The following MUSK variants were observed in gnomAD, a reference collection of about 807,000 sequenced individuals.
MUSK encodes the protein muscle associated receptor tyrosine kinase, also known as muscle, skeletal receptor tyrosine-protein kinase.
In MUSK, 55 loss-of-function variants were observed where a neutral mutation model predicts 88.7. That is an observed-to-expected ratio of 0.62 (90% CI 0.50 to 0.78). MUSK has a LOEUF of 0.78. Ranked by LOEUF, MUSK falls within the 30% of genes least tolerant of loss-of-function variation. MUSK has a pLI of 0.00. For missense variants in MUSK, 1,015 were observed against 1,074.3 expected (o/e 0.94, Z 0.77); for synonymous variants, 387 against 391.9 (o/e 0.99, Z 0.15).
intron 3 of MUSK, among the ~76,000 whole-genome samples, chr9:110,690,802 A>T (rs1166569634): frequency 9.2e-6 from 1 of 109,042 alleles, no homozygotes; most frequent in Non-Finnish European, 1.8e-5. Context: ...ATAAATATAT[A>T]TATTTAAATA....
chr9:110,717,956 C>T (rs980711489), intron 5 of MUSK, among the ~76,000 whole-genome samples: 12 of 152,028 alleles, frequency 7.9e-5, no homozygotes, highest in Non-Finnish European at 1.3e-4. Context: ...AAACAATAAA[C>T]GATTATCACT....
At chr9:110,711,451 T>A (rs1251532000) in intron 5 of MUSK, among the ~76,000 whole-genome samples, 1 of 152,112 alleles carries the variant, frequency 6.6e-6, no homozygotes, top group Non-Finnish European at 1.5e-5. Context: ...GCCTTGCAGG[T>A]TGTAAGGGAG....
chr9:110,704,402 AG>A (rs1345842483), intron 5 of MUSK, among the ~76,000 whole-genome samples: 4 of 152,214 alleles, frequency 2.6e-5, no homozygotes, highest in African/African-American at 4.8e-5. Flanking sequence ...TCTCTAAAAT[AG>A]AGATAAAAGC....
Position 110,805,545 on chromosome 9 carries a change from A to G in MUSK, c.*4557A>G, listed in dbSNP as rs2078150328. On this transcript the variant is annotated 3_prime_UTR_variant, in exon 15 of 15. Transcript: ENST00000374448. ...TTGTTGCTTTGTAAGAGCACTTTAT[A>G]TATTAAGGAGTTAAATTTTGTGATA... 6.6e-6 allele frequency among the ~76,000 whole-genome samples: 1 copy of G among 151,940 alleles called. No individual in the cohort carries two copies. Among genetic ancestry groups the G allele is most frequent in the South Asian group, 2.1e-4 (1 of 4,826 alleles).
Position 110,784,266 on chromosome 9 carries a change from G to A in MUSK, c.1385-549G>A, listed in dbSNP as rs183506389. 2.5e-4 allele frequency among the ~76,000 whole-genome samples: 38 copies of A among 152,124 alleles called. 1 individual carries two copies. The East Asian group carries it at 7.3e-3, about 29-fold the overall frequency. On this transcript the variant is annotated intron_variant, in intron 11 of 14. Transcript: ENST00000374448. The stretch of plus-strand genomic sequence containing the variant: ...TAGTGGTATGAGTATGGCATCTTTT[G>A]GTTTCCAACAGTAATGCTGATTTTA...
At chr9:110,759,273 G>A (rs76656004) in intron 7 of MUSK, among the ~76,000 whole-genome samples, 1,879 of 152,300 alleles carry the variant, frequency 0.012, 43 homozygotes, top group African/African-American at 0.043. Context: ...TAGCAGGCTA[G>A]CCATATGTAA....
At chr9:110,718,687 T>C (rs1056810011) in intron 5 of MUSK, among the ~76,000 whole-genome samples, 2 of 152,076 alleles carry the variant, frequency 1.3e-5, no homozygotes, top group African/African-American at 2.4e-5. Flanking sequence ...AAAACTTCCC[T>C]GGCCTCGCTA....
intron 7 of MUSK, among the ~76,000 whole-genome samples, chr9:110,757,459 G>GA (rs56887113): frequency 0.21 from 25,936 of 122,000 alleles, 2,449 homozygotes; most frequent in East Asian, 0.31. Context: ...ACTCTGTCTT[G>GA]AAAAAAAAAA....
chr9:110,680,708 T>G (rs1365359572), intron 1 of MUSK, among the ~76,000 whole-genome samples: 2 of 151,532 alleles, frequency 1.3e-5, no homozygotes, highest in Admixed American at 1.3e-4. Context: ...TAAATCTGTC[T>G]TGTCATTTGG....
chr9:110,669,997 A>C (rs2075936984), intron 1 of MUSK, among the ~76,000 whole-genome samples: 1 of 152,192 alleles, frequency 6.6e-6, no homozygotes, highest in African/African-American at 2.4e-5. Context: ...TAGATGCAAA[A>C]TGTATCTTTA....
chr9:110,784,233 T>G lies in MUSK; in HGVS notation c.1385-582T>G, dbSNP rs2077814449. 2.0e-5 allele frequency among the ~76,000 whole-genome samples: 3 copies of G among 152,300 alleles called. No individual in the cohort carries two copies. The South Asian group carries it at 6.2e-4, about 32-fold the overall frequency. ...AATACATATACAATGGACTTTGTACTCTACAAATAGTGGTATGAGTATGGC... is the reference window on the plus strand; with the variant it reads ...AATACATATACAATGGACTTTGTACGCTACAAATAGTGGTATGAGTATGGC... On this transcript the variant is annotated intron_variant, in intron 11 of 14. Transcript: ENST00000374448.
At chr9:110,707,738 AAG>A (rs1208047855) in intron 5 of MUSK, among the ~76,000 whole-genome samples, 1 of 152,208 alleles carries the variant, frequency 6.6e-6, no homozygotes, top group East Asian at 1.9e-4. Flanking sequence ...GAACAAAAAG[AAG>A]AGAGTCCTTC....
chr9:110,676,105 C>T (rs533179293), intron 1 of MUSK, among the ~76,000 whole-genome samples: 1 of 151,824 alleles, frequency 6.6e-6, no homozygotes, highest in Non-Finnish European at 1.5e-5. Context: ...TGAAAATTAA[C>T]ACTTCTTTGG....
In MUSK at chr9:110,768,044, G is replaced by A. The variant is rs1438959250; in HGVS notation, c.1145G>A (p.Cys382Tyr). 2 of 1,613,954 alleles carry A rather than the reference G, an allele frequency of 1.2e-6. No individual in the cohort carries two copies. The highest frequency in any genetic ancestry group is 1.7e-6 in the Non-Finnish European group (2 of 1,179,866). ...TTGTGTAACCACATCTTCCAGGAGT[G>A]CAGTCCTGGAGTAGTGCCTACTCCT... ...ALLCNHIFQE[C>Y]SPGVVPTPIP... The change falls in exon 9 of 15, where the codon TGC becomes TAC. Residue 382 changes from cysteine to tyrosine, a missense_variant. Cys to Tyr is a radical substitution (Grantham distance 194). Transcript: ENST00000374448.
chr9:110,765,256 T>C (rs991428563), intron 8 of MUSK, among the ~76,000 whole-genome samples: 5 of 152,174 alleles, frequency 3.3e-5, no homozygotes, highest in African/African-American at 1.2e-4. Flanking sequence ...AATTTTTACA[T>C]GGTGGAGTTT....
Position 110,784,916 on chromosome 9 carries a change from G to A in MUSK, c.1486G>A (p.Val496Ile). The A allele has an allele frequency of 6.2e-7, 1 of 1,613,706 alleles. No individual in the cohort carries two copies. The highest frequency in any genetic ancestry group is 8.5e-7 in the Non-Finnish European group (1 of 1,179,744). ...FSVSPTYSMTVIISIMSSFAI... is the reference protein window; with the variant it reads ...FSVSPTYSMTIIISIMSSFAI... ...TGTCTCACCTACATACTCCATGACT[G>A]TAATAATCTCCATCATGTCCAGCTT... is the stretch of plus-strand genomic sequence containing the variant. The change falls in exon 12 of 15, where the codon GTA becomes ATA. Residue 496 changes from valine (V) to isoleucine (I), a missense_variant. Physicochemically the swap from Val to Ile is conservative, Grantham distance 29 (BLOSUM62 3). Transcript: ENST00000374448.
chr9:110,692,128 G>A (rs1008694783), intron 3 of MUSK, among the ~76,000 whole-genome samples: 3 of 151,210 alleles, frequency 2.0e-5, no homozygotes, highest in African/African-American at 7.3e-5. Flanking sequence ...GGTGGGCCTT[G>A]TTTTTTTGTT....
At chr9:110,748,053 C>T (rs967840727) in intron 7 of MUSK, 7 of 634,298 alleles carry the variant, frequency 1.1e-5, no homozygotes, top group Middle Eastern at 2.5e-4. Context: ...TCACTTCTTC[C>T]TTCCTTCTTG....
intron 6 of MUSK, among the ~76,000 whole-genome samples, chr9:110,737,106 G>A (rs1260255171): frequency 6.6e-6 from 1 of 151,836 alleles, no homozygotes; most frequent in Non-Finnish European, 1.5e-5. Flanking sequence ...GATTTTCTTA[G>A]TTTGTTACAT....
Sources: allele counts gnomAD v4.1 joint callset (sites outside exome capture counted in the v4.1 genomes callset), GRCh38; gene constraint gnomAD v4.1.1; transcripts MANE v1.5; gene names NCBI Gene and HGNC (gene_info 2026-07-23, HGNC 2026-07-21).